THBS1: variants seen among roughly 807,000 people sequenced by gnomAD.
The protein encoded by THBS1 is thrombospondin-1.
THBS1 carries 29 observed loss-of-function variants against 126.1 expected under a neutral mutation model. That is an observed-to-expected ratio of 0.23 (90% CI 0.17 to 0.31). The LOEUF (loss-of-function observed/expected upper bound fraction) is 0.31, where lower values mean the gene tolerates loss of function less well. Ranked by LOEUF, THBS1 falls within the 10% of genes least tolerant of loss-of-function variation. The pLI is 1.00. For missense variants in THBS1, 1,198 were observed against 1,545.2 expected (o/e 0.78, Z 3.77); for synonymous variants, 496 against 577.8 (o/e 0.86, Z 2.03).
chr15:39,592,533 C>T lies in THBS1; in HGVS notation c.2533-35C>T. 2 of 1,542,164 alleles carry T rather than the reference C, an allele frequency of 1.3e-6. No individual in the cohort carries two copies. The highest frequency in any genetic ancestry group is 1.8e-6 in the Non-Finnish European group (2 of 1,130,994). Reference sequence around the variant, plus strand: ...TTATCTTTAACATGAATGGTTTATACTGCAATTTACCCTCCATTTACATCT... The same window carrying T: ...TTATCTTTAACATGAATGGTTTATATTGCAATTTACCCTCCATTTACATCT... On this transcript the variant is annotated intron_variant, in intron 16 of 21. Coordinates refer to ENST00000260356, the MANE Select transcript of THBS1 (RefSeq NM_003246.4). This position sits in a 1 kb window ranked among gnomAD's most constrained non-coding sequence, Gnocchi z 4.3.
rs753851393 is a variant in THBS1, at chr15:39,585,494, G to T, written c.1051G>T (p.Val351Leu). Residue 351 changes from valine to leucine, a missense_variant, in exon 7 of 22, where the codon GTG becomes TTG. Physicochemically the swap from Val to Leu is conservative, Grantham distance 32 (BLOSUM62 1). Coordinates refer to ENST00000260356, the MANE Select transcript of THBS1 (RefSeq NM_003246.4). ...GAACTCAGTTACCATCTGCAAAAAG[G>T]TGTCCTGCCCCATCATGCCCTGCTC... ...CQNSVTICKK[V>L]SCPIMPCSNA... The T allele has an allele frequency of 1.2e-6, 2 of 1,614,168 alleles. No individual in the cohort carries two copies. Among genetic ancestry groups the T allele is most frequent in the Non-Finnish European group, 8.5e-7 (1 of 1,180,036 alleles).
rs1890517899 is a variant in THBS1 at position 39,598,069 on chromosome 15, C to T, written c.*2700C>T. On this transcript the variant is annotated 3_prime_UTR_variant, in exon 22 of 22. Transcript: ENST00000260356. ...CCATAAATGCGTGTGTGTCTAAATACAAATTATCATGTGAAGAAAAGGCCC... is the reference window on the plus strand; with the variant it reads ...CCATAAATGCGTGTGTGTCTAAATATAAATTATCATGTGAAGAAAAGGCCC... The T allele has an allele frequency of 6.6e-6, 1 of 152,172 alleles. No individual in the cohort carries two copies. The highest frequency in any genetic ancestry group is 1.5e-5 in the Non-Finnish European group (1 of 68,014). The allele number at this position is 152,172 out of a possible 1,614,324, so 9.4% of individuals were successfully genotyped here.
chr15:39,585,667 A>G (rs1890196594), intron 7 of THBS1, 104 bp downstream of exon 7: 2 of 1,078,942 alleles, frequency 1.9e-6, no homozygotes, highest in Admixed American at 2.0e-5. Flanking sequence ...CATCTCCATC[A>G]TGCTTCCATT....
intron 14 of THBS1, 152 bp downstream of exon 14, chr15:39,590,775 T>A: frequency 1.4e-6 from 1 of 696,616 alleles, no homozygotes; most frequent in Non-Finnish European, 2.4e-6. Flanking sequence ...TCCAGTAGTT[T>A]AAGGATGTAG....
In THBS1 at chr15:39,594,923, T is replaced by C. The variant is rs1321724839; in HGVS notation, c.3506-439T>C. On this transcript the variant is annotated intron_variant, in intron 21 of 21. Transcript: ENST00000260356. This position sits in a 1 kb window ranked among gnomAD's most constrained non-coding sequence, Gnocchi z 4.4. ...TTTTTTTTCCTCATTCTTTTTTACT[T>C]AGTCATTACTTAAGCTCGCTGAGTC... is the stretch of plus-strand genomic sequence containing the variant. Among the ~76,000 whole-genome samples the C allele has an allele frequency of 1.3e-5, 2 of 152,210 alleles. No individual in the cohort carries two copies. Among genetic ancestry groups the C allele is most frequent in the African/African-American group, 4.8e-5 (2 of 41,444 alleles).
Position 39,581,836 on chromosome 15 carries a change from G to C in THBS1, c.-22G>C. 6.2e-7 allele frequency: 1 copy of C among 1,612,572 alleles called. No individual in the cohort carries two copies. Among genetic ancestry groups the C allele is most frequent in the South Asian group, 1.1e-5 (1 of 90,998 alleles). On this transcript the variant is annotated 5_prime_UTR_variant, in exon 2 of 22. Transcript: ENST00000260356. ...TTGTGCTTCCTGCTACAGGATCCCT[G>C]CTGGGCACCAACAGCTCCACCATGG...
rs1379924009 is a variant in THBS1 at position 39,589,078 on chromosome 15, G to A, written c.1765G>A (p.Val589Ile). Residue 589 changes from valine (V) to isoleucine (I), a missense_variant, in exon 11 of 22, where the codon GTT becomes ATT. By Grantham distance (29) the Val-to-Ile change is conservative. Coordinates refer to ENST00000260356, the MANE Select transcript of THBS1 (RefSeq NM_003246.4). The surrounding 1 kb of genome is among the most constrained non-coding windows in gnomAD (Gnocchi z 4.7). ...TGGAAATGGCATCCAGTGCACAGAT[G>A]TTGATGAGGTGAGGAACTGATGGGG... ...YSGNGIQCTD[V>I]DECKEVPDAC... 1.2e-6 allele frequency: 2 copies of A among 1,614,152 alleles called. No homozygotes were observed. The highest frequency in any genetic ancestry group is 1.3e-5 in the African/African-American group (1 of 75,020).
At chr15:39,583,559 C>CCAACCCA in intron 3 of THBS1, 58 bp from the exon 4 acceptor site, 1 of 1,182,678 alleles carries the variant, frequency 8.5e-7, no homozygotes, top group Non-Finnish European at 1.2e-6. Context: ...CAGTCTCCCC[C>CCAACCCA]AACCCCATCC....
chr15:39,582,239 G>A lies in THBS1; in HGVS notation c.114G>A (p.Gly38=), dbSNP rs1442166733. The change falls in exon 3 of 22, where the codon GGG becomes GGA. Residue 38 remains glycine, a synonymous_variant. Coordinates refer to ENST00000260356, the MANE Select transcript of THBS1 (RefSeq NM_003246.4). The part of the protein sequence containing the change: ...NSVFDIFELT[G]AARKGSGRRL... ...TGTTTGACATCTTTGAACTCACCGG[G>A]GCCGCCCGCAAGGGGTCTGGGCGCC... The A allele has an allele frequency of 1.2e-6, 2 of 1,613,668 alleles. No individual in the cohort carries two copies. The highest frequency in any genetic ancestry group is 2.7e-5 in the African/African-American group (2 of 74,878).
intron 6 of THBS1, among the ~76,000 whole-genome samples, chr15:39,585,114 T>C (rs1334009875): frequency 6.6e-6 from 1 of 152,136 alleles, no homozygotes. Context: ...ACACATAATA[T>C]AAAAATGTAA....
chr15:39,591,044 G>A (rs746021686), intron 14 of THBS1, 147 bp from the exon 15 acceptor site: 19 of 901,566 alleles, frequency 2.1e-5, no homozygotes, highest in African/African-American at 6.7e-5. Flanking sequence ...TGTAGTGATC[G>A]TTTTACACTG....
At position 39,592,458 on chromosome 15, in the gene THBS1, C is replaced by T; in HGVS notation, c.2533-110C>T. 1.2e-6 allele frequency: 1 copy of T among 803,246 alleles called. No homozygotes were observed. Among genetic ancestry groups the T allele is most frequent in the Non-Finnish European group, 2.0e-6 (1 of 502,596 alleles). 49.8% of individuals were successfully genotyped at this position (803,246 alleles called of 1,614,324 possible). ...GAGTGTGTAAATAGACATGACACCC[C>T]ACTGGCTGTATCAAACAATGGAGAA... On this transcript the variant is annotated intron_variant, in intron 16 of 21. Coordinates refer to ENST00000260356, the MANE Select transcript of THBS1 (RefSeq NM_003246.4). This position sits in a 1 kb window ranked among gnomAD's most constrained non-coding sequence, Gnocchi z 4.3.
At position 39,584,037 on chromosome 15, in the gene THBS1, C is replaced by G. The variant is rs942528964; in HGVS notation, c.753C>G (p.Ser251Arg). ...ACAACAACGTGGTGAATGGTTCCAG[C>G]CCTGCCATCCGCACTAACTACATTG... ...TLDNNVVNGS[S>R]PAIRTNYIGH... The change falls in exon 5 of 22, where the codon AGC (serine) becomes AGG (arginine). Residue 251 changes from serine to arginine, a missense_variant. Coordinates refer to ENST00000260356, the MANE Select transcript of THBS1 (RefSeq NM_003246.4). 1.2e-6 allele frequency: 2 copies of G among 1,614,098 alleles called. No individual in the cohort carries two copies. The highest frequency in any genetic ancestry group is 1.3e-5 in the African/African-American group (1 of 74,924).
Position 39,582,460 on chromosome 15 carries a change from A to C in THBS1, c.335A>C (p.His112Pro). ...CTGCTGGCCCTGGAGCGGAAAGACC[A>C]CTCTGGCCAGGTCTTCAGCGTGGTG... The part of the protein sequence containing the change: ...GTLLALERKD[H>P]SGQVFSVVSN... Residue 112 changes from histidine (H) to proline (P), a missense_variant, in exon 3 of 22, where the codon CAC (histidine) becomes CCC (proline). His to Pro is a moderately conservative substitution (Grantham distance 77). Coordinates refer to ENST00000260356, the MANE Select transcript of THBS1 (RefSeq NM_003246.4). 1 of 1,613,942 alleles carries C rather than the reference A, an allele frequency of 6.2e-7. No homozygotes were observed. The highest frequency in any genetic ancestry group is 8.5e-7 in the Non-Finnish European group (1 of 1,179,944).
In THBS1 at chr15:39,595,465, C is replaced by A; in HGVS notation, c.*96C>A. 1 of 1,430,092 alleles carries A rather than the reference C, an allele frequency of 7.0e-7. No homozygotes were observed. Among genetic ancestry groups the A allele is most frequent in the South Asian group, 1.5e-5 (1 of 64,812 alleles). 88.6% of individuals were successfully genotyped at this position (1,430,092 alleles called of 1,614,324 possible). The stretch of plus-strand genomic sequence containing the variant: ...TGAGAAAACCCCCAGGATCACTTCT[C>A]CTTGGCTTCCTTCTTTTCTGTGCTT... On this transcript the variant is annotated 3_prime_UTR_variant, in exon 22 of 22. Coordinates refer to ENST00000260356, the MANE Select transcript of THBS1 (RefSeq NM_003246.4).
At chr15:39,585,925 G>C (rs1890200046) in intron 7 of THBS1, among the ~76,000 whole-genome samples, 1 of 152,192 alleles carries the variant, frequency 6.6e-6, no homozygotes, top group Non-Finnish European at 1.5e-5. Context: ...CTGCTCACCA[G>C]AGATATTGAC....
In THBS1 at chr15:39,588,658, T is replaced by A. The variant is rs1890261017; in HGVS notation, c.1604T>A (p.Val535Glu). The change falls in exon 10 of 22, where the codon GTA (valine) becomes GAA (glutamate). Residue 535 changes from valine (V) to glutamate (E), a missense_variant. Coordinates refer to ENST00000260356, the MANE Select transcript of THBS1 (RefSeq NM_003246.4). Reference sequence around the variant, plus strand: ...GGAGGCAAGGACTGCGTTGGTGATGTAACAGAAAACCAGATCTGCAACAAG... The same window carrying A: ...GGAGGCAAGGACTGCGTTGGTGATGAAACAGAAAACCAGATCTGCAACAAG... ...QFGGKDCVGDVTENQICNKQD... is the reference protein window; with the variant it reads ...QFGGKDCVGDETENQICNKQD... 1.2e-6 allele frequency: 2 copies of A among 1,603,440 alleles called. No individual in the cohort carries two copies. The highest frequency in any genetic ancestry group is 1.7e-6 in the Non-Finnish European group (2 of 1,176,110).
chr15:39,588,705 C>A lies in THBS1; in HGVS notation c.1645+6C>A, dbSNP rs1022709160. 9.0e-6 allele frequency: 14 copies of A among 1,562,240 alleles called. No homozygotes were observed. Among genetic ancestry groups the A allele is most frequent in the Non-Finnish European group, 1.1e-5 (13 of 1,155,622 alleles). ...CAAGCAGGACTGTCCAATTGGTGAG[C>A]CACGCAGCCCAGGATGAAACGACCC... On this transcript the variant is annotated splice_donor_region_variant and intron_variant, in intron 10 of 21. Coordinates refer to ENST00000260356, the MANE Select transcript of THBS1 (RefSeq NM_003246.4).
At chr15:39,585,705 C>T in intron 7 of THBS1, 142 bp downstream of exon 7, 2 of 792,714 alleles carry the variant, frequency 2.5e-6, no homozygotes, top group Non-Finnish European at 2.1e-6. Flanking sequence ...AGCTGGTTAA[C>T]TGACAGCTTA....
Sources: allele counts gnomAD v4.1 joint callset (sites outside exome capture counted in the v4.1 genomes callset), GRCh38; gene constraint gnomAD v4.1.1; non-coding constraint Gnocchi (gnomAD v3.1); transcripts MANE v1.5; gene names NCBI Gene and HGNC (gene_info 2026-07-23, HGNC 2026-07-21).